The following KTN1 variants were observed in gnomAD, a reference collection of about 807,000 sequenced individuals.
The protein encoded by KTN1 is kinectin.
Under a neutral mutation model 222.5 loss-of-function variants are expected in KTN1, and 130 were observed. That is an observed-to-expected ratio of 0.58 (90% confidence interval 0.51 to 0.68). KTN1 has a LOEUF of 0.68. Among genes scored for constraint, KTN1 ranks in the 30% least tolerant of loss-of-function variants. The pLI is 0.00. For synonymous variants in KTN1, 512 were observed against 496.3 expected (o/e 1.03, Z -0.42); for missense variants, 1,508 against 1,500.4 (o/e 1.01, Z -0.08).
intron 41 of KTN1, among the ~76,000 whole-genome samples, chr14:55,676,807 T>C (rs920680706): frequency 6.6e-6 from 1 of 152,214 alleles, no homozygotes; most frequent in Non-Finnish European, 1.5e-5. Context: ...ATAATTGTTA[T>C]GTAAAAGTCT....
At chr14:55,606,542 T>C (rs1462089431) in intron 1 of KTN1, among the ~76,000 whole-genome samples, 1 of 152,188 alleles carries the variant, frequency 6.6e-6, no homozygotes, top group African/African-American at 2.4e-5. Flanking sequence ...TTGTTTTCAT[T>C]GTTTTTAATG....
At chr14:55,626,237 A>G (rs952797119) in intron 5 of KTN1, among the ~76,000 whole-genome samples, 1 of 151,466 alleles carries the variant, frequency 6.6e-6, no homozygotes, top group African/African-American at 2.4e-5. Context: ...ACATAACCAA[A>G]GAAAACTTTA....
At chr14:55,666,847 A>C (rs746771242) in intron 33 of KTN1, among the ~76,000 whole-genome samples, 17 of 151,990 alleles carry the variant, frequency 1.1e-4, no homozygotes, top group Non-Finnish European at 2.5e-4. Context: ...TATACCAGCC[A>C]ATAAAGCTCA....
chr14:55,675,015 T>A (rs1327922728), intron 40 of KTN1: 1 of 152,160 alleles, frequency 6.6e-6, no homozygotes, highest in African/African-American at 2.4e-5. Context: ...AAGTGGAATT[T>A]CCCTCCGCCC....
In KTN1 at chr14:55,677,675, C is replaced by T. The variant is rs185643931; in HGVS notation, c.3856-677C>T. On this transcript the variant is annotated intron_variant, in intron 41 of 43. Transcript: ENST00000395314. ...TATGATCTCTTTAGAATATTTTTGT[C>T]TCCTTTTTAACATAACCCTTTATTT... Among the ~76,000 whole-genome samples the T allele has an allele frequency of 9.4e-4, 143 of 151,994 alleles. 1 individual carries two copies. The highest frequency in any genetic ancestry group is 1.0e-4 in the Non-Finnish European group (7 of 67,948).
intron 5 of KTN1, among the ~76,000 whole-genome samples, chr14:55,627,671 G>A (rs1429221485): frequency 6.6e-6 from 1 of 152,144 alleles, no homozygotes; most frequent in South Asian, 2.1e-4. Flanking sequence ...GTGTCCATGT[G>A]TTCTCATTGT....
intron 1 of KTN1, among the ~76,000 whole-genome samples, chr14:55,587,649 C>T (rs938717393): frequency 5.9e-5 from 9 of 152,102 alleles, no homozygotes; most frequent in South Asian, 2.1e-4. Flanking sequence ...GAAATGTTTC[C>T]GTAATTACTT....
At chr14:55,625,422 A>G (rs2039685095) in intron 5 of KTN1, among the ~76,000 whole-genome samples, 1 of 152,208 alleles carries the variant, frequency 6.6e-6, no homozygotes, top group South Asian at 2.1e-4. Context: ...AGCAGGAGGA[A>G]CTACTGTTAT....
At chr14:55,595,488 T>TGA (rs1442984717) in intron 1 of KTN1, among the ~76,000 whole-genome samples, 157 of 152,344 alleles carry the variant, frequency 1.0e-3, no homozygotes, top group Middle Eastern at 3.4e-3. Flanking sequence ...ATACAAATCT[T>TGA]ACGTTCTGAA....
At chr14:55,639,060 C>T in intron 12 of KTN1, 125 bp from the exon 13 acceptor site, 1 of 617,640 alleles carries the variant, frequency 1.6e-6, no homozygotes, top group Admixed American at 2.6e-5. Context: ...TTACCATGGG[C>T]CAGATACTTT....
At chr14:55,653,786 C>A (rs922070190) in intron 28 of KTN1, among the ~76,000 whole-genome samples, 190 bp downstream of exon 28, 1 of 152,224 alleles carries the variant, frequency 6.6e-6, no homozygotes. Flanking sequence ...CTTTCAGATA[C>A]CTGGAGACTT....
intron 19 of KTN1, among the ~76,000 whole-genome samples, chr14:55,647,609 G>A (rs1424033111): frequency 7.4e-6 from 1 of 134,294 alleles, no homozygotes; most frequent in African/African-American, 2.9e-5. Flanking sequence ...CTCCAGCCTG[G>A]GCGACAAGAG....
At chr14:55,632,269 G>T (rs1487770281) in intron 7 of KTN1, among the ~76,000 whole-genome samples, 1 of 152,146 alleles carries the variant, frequency 6.6e-6, no homozygotes, top group Admixed American at 6.5e-5. Flanking sequence ...GTATTTAAGT[G>T]ATTCATCCTG....
In KTN1 at chr14:55,653,030, A is replaced by G. The variant is rs1440500870; in HGVS notation, c.2708A>G (p.Glu903Gly). 6.2e-7 allele frequency: 1 copy of G among 1,605,548 alleles called. No homozygotes were observed. Among genetic ancestry groups the G allele is most frequent in the Non-Finnish European group, 8.5e-7 (1 of 1,172,698 alleles). Residue 903 changes from glutamate to glycine, a missense_variant, in exon 27 of 44, where the codon GAA (glutamate) becomes GGA (glycine). Physicochemically the swap from Glu to Gly is moderately conservative, Grantham distance 98. Transcript: ENST00000395314. ...TGKWLQDLQE[E>G]NESLKAHVQE... ...ATTCTTTTTAAGGATCTTCAAGAAG[A>G]AAATGAATCTTTAAAAGCACATGTT...
intron 35 of KTN1, 124 bp downstream of exon 35, chr14:55,670,933 GA>G (rs1216855621): frequency 1.8e-6 from 1 of 569,810 alleles, no homozygotes; most frequent in Non-Finnish European, 3.0e-6. Context: ...GAAAGTGTAA[GA>G]AGGTGATTTC....
intron 1 of KTN1, among the ~76,000 whole-genome samples, chr14:55,603,141 TTG>T (rs1258648832): frequency 2.0e-5 from 3 of 152,160 alleles, no homozygotes; most frequent in Non-Finnish European, 4.4e-5. Context: ...TCCTGCATCA[TTG>T]TTCTTTCCCT....
intron 34 of KTN1, chr14:55,668,430 T>C (rs751258239): frequency 6.6e-6 from 1 of 152,152 alleles, no homozygotes; most frequent in Admixed American, 6.6e-5. Context: ...TTTAGTTGAC[T>C]GCATCCCTGT....
chr14:55,640,585 C>T, intron 15 of KTN1, 143 bp downstream of exon 15: 1 of 632,286 alleles, frequency 1.6e-6, no homozygotes, highest in East Asian at 2.8e-5. Flanking sequence ...TTTGATGTTA[C>T]TGTTTTTATG....
At chr14:55,630,392 T>C (rs887132543) in intron 7 of KTN1, among the ~76,000 whole-genome samples, 1 of 152,196 alleles carries the variant, frequency 6.6e-6, no homozygotes, top group African/African-American at 2.4e-5. Flanking sequence ...ATATGCAGAC[T>C]GTGTTAAATC....
Sources: gnomAD v4.1 joint callset for allele counts (sites outside exome capture counted in the v4.1 genomes callset) on GRCh38, gnomAD v4.1.1 for gene constraint, MANE v1.5 for transcripts, NCBI Gene and HGNC (gene_info 2026-07-23, HGNC 2026-07-21) for gene names.